Variants in JARID2 observed in about 807,000 individuals in gnomAD.
JARID2 encodes the protein protein Jumonji.
JARID2 carries 21 observed loss-of-function variants against 125.6 expected under a neutral mutation model. The observed-to-expected ratio is 0.17, with a 90% CI of 0.12 to 0.24. JARID2 has a LOEUF of 0.24. Among genes scored for constraint, JARID2 ranks in the 10% least tolerant of loss-of-function variants. The pLI, the probability that JARID2 is intolerant of heterozygous loss-of-function variation, is 1.00. For missense variants in JARID2, 1,303 were observed against 1,639.6 expected, an observed-to-expected ratio of 0.79 and a Z score of 3.55; for synonymous variants, 736 against 661.6, an observed-to-expected ratio of 1.11 and a Z score of -1.73.
At chr6:15,372,262 C>T (rs1764198326) in intron 1 of JARID2, among the ~76,000 whole-genome samples, 1 of 152,080 alleles carries the variant, frequency 6.6e-6, no homozygotes, top group South Asian at 2.1e-4. Flanking sequence ...TAAAACAGCA[C>T]CAGACTGCCC....
At chr6:15,326,273 A>G (rs1762531493) in intron 1 of JARID2, among the ~76,000 whole-genome samples, 1 of 152,134 alleles carries the variant, frequency 6.6e-6, no homozygotes, top group Non-Finnish European at 1.5e-5. Flanking sequence ...TGGTGCCATC[A>G]TAGCTCACTG....
intron 1 of JARID2, among the ~76,000 whole-genome samples, chr6:15,257,328 T>C (rs541091303): frequency 2.0e-5 from 3 of 152,198 alleles, no homozygotes; most frequent in Non-Finnish European, 4.4e-5. Flanking sequence ...ACTCAAAAGA[T>C]AGAAATCATT....
chr6:15,509,959 A>T (rs901133233), intron 12 of JARID2, among the ~76,000 whole-genome samples: 1 of 152,226 alleles, frequency 6.6e-6, no homozygotes. Context: ...TTAAATTACC[A>T]ATCAGTAACA....
chr6:15,260,750 C>A (rs139962900), intron 1 of JARID2, among the ~76,000 whole-genome samples: 2 of 152,190 alleles, frequency 1.3e-5, no homozygotes, highest in African/African-American at 4.8e-5. Context: ...TTCTTTTGGC[C>A]CTGGTAAGCT....
chr6:15,329,504 G>A (rs1364527638), intron 1 of JARID2, among the ~76,000 whole-genome samples: 1 of 152,196 alleles, frequency 6.6e-6, no homozygotes, highest in African/African-American at 2.4e-5. Flanking sequence ...AGGAGTACTG[G>A]ACTGTATGAT....
At chr6:15,418,552 A>T (rs568948993) in intron 3 of JARID2, among the ~76,000 whole-genome samples, 21 of 152,272 alleles carry the variant, frequency 1.4e-4, no homozygotes, top group African/African-American at 5.1e-4. Flanking sequence ...CTTTTTGTGT[A>T]CTAACAGACT....
At chr6:15,464,291 C>T (rs1768602258) in intron 4 of JARID2, among the ~76,000 whole-genome samples, 1 of 152,216 alleles carries the variant, frequency 6.6e-6, no homozygotes, top group African/African-American at 2.4e-5. Context: ...GAGGGATTTA[C>T]AGCAACCACG....
At chr6:15,385,457 G>A (rs576644010) in intron 2 of JARID2, among the ~76,000 whole-genome samples, 268 of 151,496 alleles carry the variant, frequency 1.8e-3, no homozygotes, top group Non-Finnish European at 3.3e-3. Flanking sequence ...ATGTGCGTGC[G>A]TTTATTCTAA....
chr6:15,362,015 C>A (rs1210740850), intron 1 of JARID2, among the ~76,000 whole-genome samples: 1 of 151,334 alleles, frequency 6.6e-6, no homozygotes, highest in East Asian at 1.9e-4. Context: ...CATGTCTTAG[C>A]CTCCAGAGTA....
At chr6:15,519,542 A>T (rs1158751484) in intron 17 of JARID2, among the ~76,000 whole-genome samples, 2 of 152,182 alleles carry the variant, frequency 1.3e-5, no homozygotes, top group Admixed American at 1.3e-4. Flanking sequence ...TTTAAAAATG[A>T]TATGATTATA....
At chr6:15,437,401 C>T (rs896891039) in intron 3 of JARID2, among the ~76,000 whole-genome samples, 2 of 152,164 alleles carry the variant, frequency 1.3e-5, no homozygotes, top group Non-Finnish European at 2.9e-5. Context: ...AACCCTTGGC[C>T]TCAGCTCCTT....
intron 8 of JARID2, 115 bp downstream of exon 8, chr6:15,501,524 A>AAGGC: frequency 1.9e-6 from 2 of 1,031,430 alleles, no homozygotes; most frequent in Non-Finnish European, 2.7e-6. Flanking sequence ...TGGGGTGATG[A>AAGGC]GGGGGCGGGC....
At chr6:15,368,593 C>T (rs1396144113) in intron 1 of JARID2, 5 of 380,478 alleles carry the variant, frequency 1.3e-5, no homozygotes, top group South Asian at 7.5e-5. Context: ...AGTTGAGTAA[C>T]CAAAAGAGAA....
At chr6:15,329,111 A>G (rs1762622535) in intron 1 of JARID2, among the ~76,000 whole-genome samples, 1 of 152,204 alleles carries the variant, frequency 6.6e-6, no homozygotes, top group Admixed American at 6.5e-5. Flanking sequence ...AGGATTTAGG[A>G]ACCCAAAGAA....
At chr6:15,513,506 GCT>G in intron 16 of JARID2, 84 bp downstream of exon 16, 1 of 1,323,944 alleles carries the variant, frequency 7.6e-7, no homozygotes, top group Non-Finnish European at 1.0e-6. Flanking sequence ...GAGGGAGGGC[GCT>G]CTCTGCCCAG....
chr6:15,386,312 G>T (rs563820380), intron 2 of JARID2, among the ~76,000 whole-genome samples: 2 of 149,436 alleles, frequency 1.3e-5, no homozygotes, highest in Admixed American at 1.3e-4. Flanking sequence ...TTCTGTGTGG[G>T]TGTGTGTGTA....
At chr6:15,268,978 G>A (rs1203410178) in intron 1 of JARID2, among the ~76,000 whole-genome samples, 1 of 152,164 alleles carries the variant, frequency 6.6e-6, no homozygotes, top group African/African-American at 2.4e-5. Context: ...TGGCAGGCAA[G>A]GTAGGAAATG....
At chr6:15,311,564 G>A (rs1331851065) in intron 1 of JARID2, among the ~76,000 whole-genome samples, 1 of 152,120 alleles carries the variant, frequency 6.6e-6, no homozygotes, top group Non-Finnish European at 1.5e-5. Flanking sequence ...GGCAACAAGA[G>A]CGAAACTCCG....
intron 3 of JARID2, among the ~76,000 whole-genome samples, chr6:15,420,666 A>G (rs1278849440): frequency 6.6e-6 from 1 of 152,142 alleles, no homozygotes; most frequent in East Asian, 1.9e-4. Context: ...GCTGTGGGAA[A>G]TGTTCGTATT....
Sources: allele counts gnomAD v4.1 joint callset (sites outside exome capture counted in the v4.1 genomes callset), GRCh38; gene constraint gnomAD v4.1.1; transcripts MANE v1.5; gene names NCBI Gene and HGNC (gene_info 2026-07-23, HGNC 2026-07-21).